Variants in SYTL2 observed in about 807,000 individuals in gnomAD.
SYTL2 encodes the protein synaptotagmin like 2.
In SYTL2, 165 loss-of-function variants were observed where a neutral mutation model predicts 198.7. The ratio of observed to expected loss-of-function variants is 0.83; its 90% CI spans 0.73 to 0.94. SYTL2 has a LOEUF of 0.94. Ranked by LOEUF, SYTL2 falls within the 40% of genes least tolerant of loss-of-function variation. The pLI, the probability that SYTL2 is intolerant of heterozygous loss-of-function variation, is 0.00. For missense variants in SYTL2, 2,835 were observed against 2,582.8 expected (o/e 1.10, Z -2.12); for synonymous variants, 966 against 917.7 (o/e 1.05, Z -0.95).
At position 85,726,814 on chromosome 11, in the gene SYTL2, T is replaced by C. The variant is rs751007265; in HGVS notation, c.2544A>G (p.Glu848=). 1.3e-6 allele frequency: 2 copies of C among 1,536,330 alleles called. No homozygotes were observed. The highest frequency in any genetic ancestry group is 2.4e-5 in the South Asian group (2 of 84,062). Residue 848 remains glutamate (E), a synonymous_variant, in exon 8 of 20, where the codon GAA becomes GAG. Coordinates refer to ENST00000359152, the MANE Select transcript of SYTL2 (RefSeq NM_206927.4). ...SMDSLSTDQS[E]YNQAIPKRVV... ...CTCGTTTGGGAATGGCCTGATTATA[T>C]TCACTCTGGTCTGTAGATAAACTGT...
chr11:85,750,514 C>A (rs2091448240), intron 2 of SYTL2, among the ~76,000 whole-genome samples: 1 of 152,186 alleles, frequency 6.6e-6, no homozygotes, highest in African/African-American at 2.4e-5. Context: ...TCAGTCCTTA[C>A]TATATCATAT....
At chr11:85,742,011 C>T (rs900928945) in intron 4 of SYTL2, among the ~76,000 whole-genome samples, 6 of 152,158 alleles carry the variant, frequency 3.9e-5, no homozygotes, top group Non-Finnish European at 8.8e-5. Context: ...CAGAAGAAAA[C>T]CTGCCAATGC....
chr11:85,735,351 G>T (rs766517306), intron 6 of SYTL2, among the ~76,000 whole-genome samples: 5 of 152,006 alleles, frequency 3.3e-5, no homozygotes, highest in African/African-American at 7.3e-5. Flanking sequence ...CTCAAAAGAG[G>T]CTTAAAGAAA....
intron 8 of SYTL2, 103 bp downstream of exon 8, chr11:85,723,929 T>A (rs1350352762): frequency 5.5e-6 from 3 of 547,908 alleles, no homozygotes; most frequent in Non-Finnish European, 9.0e-6. Flanking sequence ...GAATTTAACA[T>A]CATTTAAGAA....
At chr11:85,845,599 C>CA in the SYTL2 span, among the ~76,000 whole-genome samples, 14 of 150,204 alleles carry the variant, frequency 9.3e-5, no homozygotes, top group East Asian at 1.9e-4. Flanking sequence ...CTGGTCTCTA[C>CA]AAAAAAAAAT....
At chr11:85,766,107 C>T (rs911991800) in intron 1 of SYTL2, among the ~76,000 whole-genome samples, 2 of 152,036 alleles carry the variant, frequency 1.3e-5, no homozygotes, top group South Asian at 4.1e-4. Flanking sequence ...GAGCGCTGGA[C>T]CCTGAAACCA....
rs568130400 is a variant in SYTL2, at chr11:85,753,715, T to C, written c.101+3910A>G. Reference sequence around the variant, plus strand: ...AGGAGTTGGAGGCTGCACTGAGCTATGATTGCCTCACTGCACTCCAGCCTG... The same window carrying C: ...AGGAGTTGGAGGCTGCACTGAGCTACGATTGCCTCACTGCACTCCAGCCTG... On this transcript the variant is annotated intron_variant, in intron 2 of 19. Coordinates refer to ENST00000359152, the MANE Select transcript of SYTL2 (RefSeq NM_206927.4). 4.7e-4 allele frequency among the ~76,000 whole-genome samples: 70 copies of C among 148,012 alleles called. 1 individual carries two copies. Among genetic ancestry groups the C allele is most frequent in the Non-Finnish European group, 9.2e-4 (62 of 67,568 alleles).
At chr11:85,814,548 T>C (rs901908091), upstream of SYTL2, among the ~76,000 whole-genome samples, 4 of 152,206 alleles carry the variant, frequency 2.6e-5, no homozygotes, top group African/African-American at 9.7e-5. Context: ...AAGATTCTTG[T>C]AGCTCTATGG....
At chr11:85,704,279 A>G (rs1324478765) in intron 16 of SYTL2, among the ~76,000 whole-genome samples, 1 of 152,114 alleles carries the variant, frequency 6.6e-6, no homozygotes, top group Non-Finnish European at 1.5e-5. Flanking sequence ...AAGCATTACT[A>G]GAGATAAAAA....
chr11:85,741,834 C>T (rs761093705), intron 4 of SYTL2, among the ~76,000 whole-genome samples: 2 of 152,136 alleles, frequency 1.3e-5, no homozygotes, highest in African/African-American at 4.8e-5. Flanking sequence ...ATTCAACAGA[C>T]GGTAAGAAGG....
At chr11:85,730,655 C>T (rs998962562) in intron 7 of SYTL2, among the ~76,000 whole-genome samples, 1 of 152,056 alleles carries the variant, frequency 6.6e-6, no homozygotes, top group African/African-American at 2.4e-5. Flanking sequence ...TGGGCAAAAG[C>T]TGGAAGCATT....
the SYTL2 span, among the ~76,000 whole-genome samples, chr11:85,833,352 C>T: frequency 1.9e-4 from 28 of 145,278 alleles, no homozygotes; most frequent in African/African-American, 4.0e-4. Context: ...TATATATACA[C>T]GATATATATA....
chr11:85,849,045 T>C, the SYTL2 span, among the ~76,000 whole-genome samples: 1 of 152,212 alleles, frequency 6.6e-6, no homozygotes, highest in African/African-American at 2.4e-5. Flanking sequence ...TGAGACACCA[T>C]CCCATTTTAT....
At chr11:85,837,203 T>C in the SYTL2 span, among the ~76,000 whole-genome samples, 1 of 152,250 alleles carries the variant, frequency 6.6e-6, no homozygotes, top group South Asian at 2.1e-4. Context: ...AATTCATATG[T>C]TGAAGCCCTA....
rs1426566741 is a variant in SYTL2, at chr11:85,718,781, G to C, written c.5482+9C>G. ...AAAGACAGACACGCAAATACATAAA[G>C]ATATTTACCATCTTCAGCACTACGC... On this transcript the variant is annotated intron_variant, in intron 10 of 19. Coordinates refer to ENST00000359152, the MANE Select transcript of SYTL2 (RefSeq NM_206927.4). 3 of 1,612,214 alleles carry C rather than the reference G, an allele frequency of 1.9e-6. No homozygotes were observed.
At chr11:85,851,380 G>C in the SYTL2 span, among the ~76,000 whole-genome samples, 1 of 152,220 alleles carries the variant, frequency 6.6e-6, no homozygotes, top group Non-Finnish European at 1.5e-5. Flanking sequence ...TTCATTCCTA[G>C]TTCGGGTCTT....
At chr11:85,807,971 TA>T (rs1239965045) in intron 1 of SYTL2, among the ~76,000 whole-genome samples, 1 of 152,356 alleles carries the variant, frequency 6.6e-6, no homozygotes, top group Admixed American at 6.5e-5. Flanking sequence ...TGTGTGTTTT[TA>T]AAATTTGTTA....
chr11:85,818,656 ACTATCTATCTATCTAT>A, the SYTL2 span, among the ~76,000 whole-genome samples: 2 of 149,002 alleles, frequency 1.3e-5, no homozygotes, highest in East Asian at 2.0e-4. Context: ...TGTATAAATT[ACTATCTATCTATCTAT>A]CTATCTATCT....
chr11:85,813,134 C>A (rs2093056800), upstream of SYTL2, among the ~76,000 whole-genome samples: 1 of 152,044 alleles, frequency 6.6e-6, no homozygotes, highest in African/African-American at 2.4e-5. Flanking sequence ...GTGGGGCAGG[C>A]AAGTGGGGGA....
Sources: allele counts gnomAD v4.1 joint callset (sites outside exome capture counted in the v4.1 genomes callset), GRCh38; gene constraint gnomAD v4.1.1; transcripts MANE v1.5; gene names NCBI Gene and HGNC (gene_info 2026-07-23, HGNC 2026-07-21).